The following PTPRA variants were observed in gnomAD, a reference collection of about 807,000 sequenced individuals.
PTPRA encodes protein tyrosine phosphatase receptor type A, also known as receptor-type tyrosine-protein phosphatase alpha.
A neutral mutation model predicts 104.8 loss-of-function variants in PTPRA; 25 were observed. The ratio of observed to expected loss-of-function variants is 0.24; its 90% CI spans 0.17 to 0.33. The LOEUF is 0.33. Ranked by LOEUF, PTPRA falls within the 10% of genes least tolerant of loss-of-function variation. PTPRA has a pLI of 1.00. For missense variants in PTPRA, 765 were observed against 1,015.3 expected (o/e 0.75, Z 3.35); for synonymous variants, 323 against 368.9 (o/e 0.88, Z 1.43).
chr20:2,914,062 A>C (rs2059811788), intron 1 of PTPRA, among the ~76,000 whole-genome samples: 1 of 152,194 alleles, frequency 6.6e-6, no homozygotes, highest in Non-Finnish European at 1.5e-5. Flanking sequence ...TTATTCAATA[A>C]GTTATCTATT....
intron 2 of PTPRA, among the ~76,000 whole-genome samples, chr20:2,931,557 GAGA>G (rs2060505310): frequency 1.3e-5 from 2 of 152,134 alleles, no homozygotes; most frequent in African/African-American, 4.8e-5. Context: ...AGGATATGGC[GAGA>G]AGAACAGAAG....
intron 19 of PTPRA, 46 bp downstream of exon 19, chr20:3,027,243 T>A (rs2065192000): frequency 6.4e-7 from 1 of 1,571,970 alleles, no homozygotes; most frequent in East Asian, 2.2e-5. Context: ...CCCGTGGAGA[T>A]TCAGCCAGCA....
intron 14 of PTPRA, 111 bp from the exon 15 acceptor site, chr20:3,021,943 G>GTACACTTACTTT: frequency 1.5e-6 from 2 of 1,368,776 alleles, no homozygotes; most frequent in Non-Finnish European, 2.0e-6. Context: ...ACTCCCCTGG[G>GTACACTTACTTT]TACACTTACT....
chr20:3,035,461 T>C lies in PTPRA; in HGVS notation c.1921-124T>C, dbSNP rs1404544768. ...AATGATCCTGCAAGTTTTCAATACC[T>C]TGGGGACGAAGCGTATCAGCGTAAG... On this transcript the variant is annotated intron_variant, in intron 20 of 23. Transcript: ENST00000399903. The surrounding 1 kb of genome is among the most constrained non-coding windows in gnomAD (Gnocchi z 5.8). 2 of 1,154,278 alleles carry C rather than the reference T, an allele frequency of 1.7e-6. No individual in the cohort carries two copies. Among genetic ancestry groups the C allele is most frequent in the African/African-American group, 1.5e-5 (1 of 64,748 alleles). The allele number at this position is 1,154,278 out of a possible 1,614,324, so 71.5% of individuals were successfully genotyped here.
At chr20:2,903,823 G>A (rs535144916) in intron 1 of PTPRA, among the ~76,000 whole-genome samples, 2 of 152,210 alleles carry the variant, frequency 1.3e-5, no homozygotes, top group Admixed American at 1.3e-4. Context: ...ATAAGAGATG[G>A]CAGATTTAGG....
At chr20:3,019,163 C>T (rs1403217950) in intron 13 of PTPRA, among the ~76,000 whole-genome samples, 1 of 147,094 alleles carries the variant, frequency 6.8e-6, no homozygotes, top group African/African-American at 2.5e-5. Flanking sequence ...GCTGATCCCC[C>T]AACCTCCCTC....
chr20:2,925,982 C>A (rs1468997621), intron 2 of PTPRA, among the ~76,000 whole-genome samples: 1 of 152,136 alleles, frequency 6.6e-6, no homozygotes, highest in Admixed American at 6.6e-5. Flanking sequence ...TTTCACAGTA[C>A]TGCATCATTT....
At chr20:2,865,783 G>T in the PTPRA span, 1 of 497,964 alleles carries the variant, frequency 2.0e-6, no homozygotes. This position sits in a 1 kb window ranked among gnomAD's most constrained non-coding sequence, Gnocchi z 5.2. Context: ...AGTCTTGTCT[G>T]AGGAGGGTGG....
intron 7 of PTPRA, 94 bp downstream of exon 7, chr20:2,986,943 C>T (rs2062934541): frequency 1.8e-6 from 2 of 1,110,486 alleles, no homozygotes; most frequent in East Asian, 2.4e-5. Context: ...GTAGGATATA[C>T]ACAATGAATA....
intron 9 of PTPRA, among the ~76,000 whole-genome samples, chr20:2,995,168 C>G (rs908007861): frequency 9.9e-5 from 15 of 152,180 alleles, no homozygotes; most frequent in Admixed American, 9.8e-4. Flanking sequence ...AAGTCATACT[C>G]TCCCTTCCTT....
intron 1 of PTPRA, among the ~76,000 whole-genome samples, chr20:2,885,381 C>A (rs1378710200): frequency 6.6e-6 from 1 of 152,158 alleles, no homozygotes; most frequent in East Asian, 1.9e-4. Context: ...TAATAAAAAT[C>A]TCCAAATGTG....
At chr20:3,002,407 A>T (rs887989334) in intron 9 of PTPRA, among the ~76,000 whole-genome samples, 67 of 148,126 alleles carry the variant, frequency 4.5e-4, no homozygotes, top group African/African-American at 1.5e-3. Flanking sequence ...GCTCACTGCA[A>T]CCTCCATCTC....
At chr20:2,915,846 C>T (rs946534718) in intron 1 of PTPRA, among the ~76,000 whole-genome samples, 1 of 152,050 alleles carries the variant, frequency 6.6e-6, no homozygotes, top group Admixed American at 6.6e-5. Flanking sequence ...TAGCCTATGG[C>T]GTGTGCCTGT....
At chr20:2,938,431 CT>C (rs760349164) in intron 2 of PTPRA, among the ~76,000 whole-genome samples, 2 of 152,140 alleles carry the variant, frequency 1.3e-5, no homozygotes, top group African/African-American at 2.4e-5. Context: ...GGTGATCCCC[CT>C]GCCTCAGCCT....
In PTPRA at chr20:3,038,400, C is replaced by T. The variant is rs1568714575; in HGVS notation, c.*267C>T. 2.6e-6 allele frequency: 1 copy of T among 388,528 alleles called. No homozygotes were observed. The highest frequency in any genetic ancestry group is 2.1e-5 in the African/African-American group (1 of 47,432). 24.1% of individuals were successfully genotyped at this position (388,528 alleles called of 1,614,324 possible). The stretch of plus-strand genomic sequence containing the variant: ...AGCCGAGAAATTGGGCTGGATTGTG[C>T]TTTGGTTAATACATCTTTCCCTAAA... On this transcript the variant is annotated 3_prime_UTR_variant, in exon 24 of 24. Coordinates refer to ENST00000399903, the MANE Select transcript of PTPRA (RefSeq NM_001385305.1).
In PTPRA at chr20:2,988,108, A is replaced by G. The variant is rs780432079; in HGVS notation, c.601+3A>G. ...CAACGGCCGCACTGAGGATGTGGGTAAGGCATTCCTTAATGTCATGGGGAA... is the reference window on the plus strand; with the variant it reads ...CAACGGCCGCACTGAGGATGTGGGTGAGGCATTCCTTAATGTCATGGGGAA... On this transcript the variant is annotated splice_donor_region_variant and intron_variant, in intron 8 of 23. Transcript: ENST00000399903. The G allele has an allele frequency of 9.5e-6, 15 of 1,571,490 alleles. No individual in the cohort carries two copies. The highest frequency in any genetic ancestry group is 1.4e-5 in the African/African-American group (1 of 73,920).
At chr20:2,925,964 A>C (rs1408734918) in intron 2 of PTPRA, among the ~76,000 whole-genome samples, 1 of 152,142 alleles carries the variant, frequency 6.6e-6, no homozygotes, top group Admixed American at 6.6e-5. Context: ...AGGAATCACC[A>C]TGCTGTTTTT....
chr20:3,034,673 T>C (rs2065712366), intron 20 of PTPRA, among the ~76,000 whole-genome samples: 1 of 152,098 alleles, frequency 6.6e-6, no homozygotes, highest in Non-Finnish European at 1.5e-5. Context: ...TGTTCTTGAT[T>C]CAACACTTTA....
At chr20:3,020,752 T>G (rs2064827119) in intron 13 of PTPRA, among the ~76,000 whole-genome samples, 1 of 152,238 alleles carries the variant, frequency 6.6e-6, no homozygotes, top group Admixed American at 6.5e-5. Flanking sequence ...TCGGGTGTCA[T>G]GATCAACAGC....
Sources: allele counts gnomAD v4.1 joint callset (sites outside exome capture counted in the v4.1 genomes callset), GRCh38; gene constraint gnomAD v4.1.1; non-coding constraint Gnocchi (gnomAD v3.1); transcripts MANE v1.5; gene names NCBI Gene and HGNC (gene_info 2026-07-23, HGNC 2026-07-21).